DNM2: variants seen among roughly 807,000 people sequenced by gnomAD.
DNM2 encodes the protein dynamin 2, also known as dynamin-2.
A neutral mutation model predicts 99.0 loss-of-function variants in DNM2; 15 were observed. That is an observed-to-expected ratio of 0.15 (90% CI 0.10 to 0.23). The LOEUF is 0.23. Ranked by LOEUF, DNM2 falls within the 10% of genes least tolerant of loss-of-function variation. The pLI, the probability that DNM2 is intolerant of heterozygous loss-of-function variation, is 1.00. For missense variants in DNM2, 742 were observed against 1,189.4 expected, an observed-to-expected ratio of 0.62 and a Z score of 5.53; for synonymous variants, 525 against 481.2, an observed-to-expected ratio of 1.09 and a Z score of -1.19.
At chr19:10,798,232 T>C (rs1025155418) in intron 10 of DNM2, among the ~76,000 whole-genome samples, 2 of 152,008 alleles carry the variant, frequency 1.3e-5, no homozygotes, top group Admixed American at 1.3e-4. Context: ...TCATGTTGCC[T>C]CCTGCCTCCT....
intron 1 of DNM2, among the ~76,000 whole-genome samples, chr19:10,738,984 CG>C (rs2069637299): frequency 6.6e-6 from 1 of 151,818 alleles, no homozygotes; most frequent in South Asian, 2.1e-4. Context: ...CTGGCTAACA[CG>C]GTGAAACCCC....
At position 10,772,381 on chromosome 19, in the gene DNM2, G is replaced by T; in HGVS notation, c.236-98G>T. 2 of 1,537,670 alleles carry T rather than the reference G, an allele frequency of 1.3e-6. No individual in the cohort carries two copies. The highest frequency in any genetic ancestry group is 1.8e-6 in the Non-Finnish European group (2 of 1,123,986). ...GGCGTGAGCTACTGTGCCCAGCCTG[G>T]GTCATTACTTTCATTCAACAAAGCA... On this transcript the variant is annotated intron_variant, in intron 2 of 20. Transcript: ENST00000389253. This position sits in a 1 kb window ranked among gnomAD's most constrained non-coding sequence, Gnocchi z 4.9.
At chr19:10,791,370 G>T (rs1156949283) in intron 7 of DNM2, among the ~76,000 whole-genome samples, 1 of 152,160 alleles carries the variant, frequency 6.6e-6, no homozygotes, top group African/African-American at 2.4e-5. Flanking sequence ...TTACAGGAGT[G>T]CACCACCATG....
chr19:10,819,747 C>A (rs921424851), intron 15 of DNM2, among the ~76,000 whole-genome samples: 1 of 152,104 alleles, frequency 6.6e-6, no homozygotes, highest in Admixed American at 6.5e-5. Context: ...CCCGGTCGTC[C>A]GAAGGCCCTG....
chr19:10,823,946 G>A, intron 17 of DNM2, 47 bp downstream of exon 17: 3 of 1,587,094 alleles, frequency 1.9e-6, no homozygotes, highest in Non-Finnish European at 2.6e-6. Context: ...CCACCTGGGA[G>A]AGGAAGCAGG....
chr19:10,748,559 G>A (rs1050152934), intron 1 of DNM2, among the ~76,000 whole-genome samples: 5 of 152,172 alleles, frequency 3.3e-5, no homozygotes, highest in Non-Finnish European at 5.9e-5. Flanking sequence ...GGACCGAGGT[G>A]GGCAGAGGAG....
intron 1 of DNM2, among the ~76,000 whole-genome samples, chr19:10,747,674 G>A (rs948082983): frequency 6.6e-6 from 1 of 152,182 alleles, no homozygotes; most frequent in African/African-American, 2.4e-5. Flanking sequence ...TTGGGTACTG[G>A]GGAGAGAGCA....
At position 10,811,637 on chromosome 19, in the gene DNM2, C is replaced by T. The variant is rs1165498918; in HGVS notation, c.1558-627C>T. The T allele has an allele frequency of 1.9e-5, 9 of 483,484 alleles. 1 individual carries two copies. The highest frequency in any genetic ancestry group is 3.5e-4 in the Middle Eastern group (1 of 2,864). The allele number at this position is 483,484 out of a possible 1,614,324, so 29.9% of individuals were successfully genotyped here. A position where few individuals can be genotyped will look rare whatever the true frequency, so the allele number is the denominator to read the frequency against. On this transcript the variant is annotated intron_variant, in intron 14 of 20. Coordinates refer to ENST00000389253, the MANE Select transcript of DNM2 (RefSeq NM_001005361.3). The surrounding 1 kb of genome is among the most constrained non-coding windows in gnomAD (Gnocchi z 5.4). ...CCAGCGGCCAGGGAGCATGGGAGCA[C>T]AGCCCCCAGGCTGCCTGCCGTTAGT...
Position 10,734,825 on chromosome 19 carries a change from G to A in DNM2, c.161+16422G>A, listed in dbSNP as rs545842733. Among the ~76,000 whole-genome samples, 7 of 149,250 alleles carry A rather than the reference G, an allele frequency of 4.7e-5. No individual in the cohort carries two copies. In the South Asian group the frequency reaches 1.5e-3, roughly 32 times the overall value. On this transcript the variant is annotated intron_variant, in intron 1 of 20. Coordinates refer to ENST00000389253, the MANE Select transcript of DNM2 (RefSeq NM_001005361.3). ...TCACCCCTTTTCCTGTCTTAGGACT[G>A]GACATTGCATCTAGTTGTCGGATCT... is the stretch of plus-strand genomic sequence containing the variant.
chr19:10,720,421 C>T (rs1046126779), intron 1 of DNM2, among the ~76,000 whole-genome samples: 1 of 151,974 alleles, frequency 6.6e-6, no homozygotes, highest in African/African-American at 2.4e-5. Flanking sequence ...CCATGTTGGC[C>T]AGGCTGGTCT....
chr19:10,718,473 CGCCGT>C (rs1426080549), intron 1 of DNM2, 70 bp downstream of exon 1: 6 of 1,284,574 alleles, frequency 4.7e-6, no homozygotes, highest in Admixed American at 4.3e-5. Flanking sequence ...GGGAATGGCG[CGCCGT>C]GCGCCGCCGG....
At chr19:10,753,203 G>T (rs1212973075) in intron 1 of DNM2, among the ~76,000 whole-genome samples, 1 of 152,158 alleles carries the variant, frequency 6.6e-6, no homozygotes, top group Non-Finnish European at 1.5e-5. Flanking sequence ...GTGTTGAATA[G>T]CTATTAGCTA....
Position 10,764,421 on chromosome 19 carries a change from C to T in DNM2, c.235+4610C>T, listed in dbSNP as rs1047635328. Reference sequence around the variant, plus strand: ...GCCATCCCCAGTGAACCATAACTTCCAGCCATAGAAGTTTAAACATTACCT... The same window carrying T: ...GCCATCCCCAGTGAACCATAACTTCTAGCCATAGAAGTTTAAACATTACCT... On this transcript the variant is annotated intron_variant, in intron 2 of 20. Coordinates refer to ENST00000389253, the MANE Select transcript of DNM2 (RefSeq NM_001005361.3). The surrounding 1 kb of genome is among the most constrained non-coding windows in gnomAD (Gnocchi z 4.1). 3.3e-5 allele frequency among the ~76,000 whole-genome samples: 5 copies of T among 152,196 alleles called. No homozygotes were observed. Among genetic ancestry groups the T allele is most frequent in the Non-Finnish European group, 7.3e-5 (5 of 68,034 alleles).
intron 1 of DNM2, among the ~76,000 whole-genome samples, chr19:10,757,943 C>CAAAAAAA (rs762600168): frequency 5.2e-4 from 34 of 65,130 alleles, no homozygotes; most frequent in East Asian, 2.1e-3. Context: ...AGCTCTGTCT[C>CAAAAAAA]AAAAAAAAAA....
At chr19:10,801,456 C>T (rs1568308569) in intron 11 of DNM2, among the ~76,000 whole-genome samples, 17 of 151,414 alleles carry the variant, frequency 1.1e-4, no homozygotes. Flanking sequence ...CCCACCTCTA[C>T]AAAAAAAGAA....
At chr19:10,779,265 G>T (rs1296003103) in intron 5 of DNM2, among the ~76,000 whole-genome samples, 2 of 151,138 alleles carry the variant, frequency 1.3e-5, no homozygotes, top group Non-Finnish European at 2.9e-5. Context: ...TATCGGAGCA[G>T]CAGTTTTAGG....
intron 1 of DNM2, among the ~76,000 whole-genome samples, chr19:10,749,016 G>C (rs2070098301): frequency 6.6e-6 from 1 of 152,200 alleles, no homozygotes; most frequent in Non-Finnish European, 1.5e-5. Flanking sequence ...CCACATTCAG[G>C]CTCAAAGAGA....
chr19:10,826,667 C>A (rs2073152527), intron 18 of DNM2, among the ~76,000 whole-genome samples: 1 of 152,008 alleles, frequency 6.6e-6, no homozygotes, highest in African/African-American at 2.4e-5. Context: ...GGGAGGATCA[C>A]TTGAGCCCAG....
At chr19:10,731,984 C>A (rs1252522249) in intron 1 of DNM2, among the ~76,000 whole-genome samples, 1 of 141,978 alleles carries the variant, frequency 7.0e-6, no homozygotes, top group Non-Finnish European at 1.5e-5. Context: ...GACGGAGTTT[C>A]GCTGTTGTTG....
Sources: gnomAD v4.1 joint callset for allele counts (sites outside exome capture counted in the v4.1 genomes callset) on GRCh38, gnomAD v4.1.1 for gene constraint, Gnocchi (gnomAD v3.1) non-coding constraint, MANE v1.5 for transcripts, NCBI Gene and HGNC (gene_info 2026-07-23, HGNC 2026-07-21) for gene names.